Variants in MYH7 observed in about 807,000 individuals in gnomAD.
The protein encoded by MYH7 is myosin-7.
A neutral mutation model predicts 225.4 loss-of-function variants in MYH7; 129 were observed. That is an observed-to-expected ratio of 0.57 (90% CI 0.50 to 0.66). MYH7 has a LOEUF of 0.66. MYH7 is among the 30% of genes least tolerant of loss of function. MYH7 has a pLI of 0.00. For missense variants in MYH7, 1,649 were observed against 2,517.0 expected, an observed-to-expected ratio of 0.66 and a Z score of 7.38; for synonymous variants, 971 against 1,007.6, an observed-to-expected ratio of 0.96 and a Z score of 0.69.
In MYH7 at chr14:23,429,403, T is replaced by C. The variant is rs1892831196; in HGVS notation, c.1139-56A>G. 6 of 1,518,440 alleles carry C rather than the reference T, an allele frequency of 4.0e-6. No homozygotes were observed. In the Admixed American group the frequency reaches 8.4e-5, roughly 21 times the overall value. 94.1% of individuals were successfully genotyped at this position (1,518,440 alleles called of 1,614,324 possible). A position where few individuals can be genotyped will look rare whatever the true frequency, so the allele number is the denominator to read the frequency against. On this transcript the variant is annotated intron_variant, in intron 12 of 39. Coordinates refer to ENST00000355349, the MANE Select transcript of MYH7 (RefSeq NM_000257.4). ...TAAAGAGATGACTGCTGGCCAGGTGTGGTGGTTCATGCCTGTAATCCCAGC... is the reference window on the plus strand; with the variant it reads ...TAAAGAGATGACTGCTGGCCAGGTGCGGTGGTTCATGCCTGTAATCCCAGC...
intron 30 of MYH7, 182 bp from the exon 31 acceptor site, chr14:23,417,868 C>G: frequency 1.0e-6 from 1 of 970,880 alleles, no homozygotes; most frequent in East Asian, 2.4e-5. Context: ...GCGTGGAGAC[C>G]CAGGCACCCT....
rs779668402 is a variant in MYH7, at chr14:23,425,698, G to T, written c.2283C>A (p.Thr761=). The change falls in exon 20 of 40, where the codon ACC becomes ACA. Residue 761 remains threonine (T), a synonymous_variant. Coordinates refer to ENST00000355349, the MANE Select transcript of MYH7 (RefSeq NM_000257.4). The surrounding 1 kb of genome is among the most constrained non-coding windows in gnomAD (Gnocchi z 4.6). ...TTAATTAGTCTCCTTTCCTCACCTT[G>T]GTGTGGCCAAACTTGTACTGGTTGT... is the stretch of plus-strand genomic sequence containing the variant. ...IDHNQYKFGH[T]KVFFKAGLLG... 2 of 1,613,992 alleles carry T rather than the reference G, an allele frequency of 1.2e-6. No individual in the cohort carries two copies. The highest frequency in any genetic ancestry group is 1.7e-6 in the Non-Finnish European group (2 of 1,179,862).
In MYH7 at chr14:23,415,322, G is replaced by C. The variant is rs1373877711; in HGVS notation, c.5284-52C>G. 1.9e-6 allele frequency: 3 copies of C among 1,614,114 alleles called. No homozygotes were observed. In the African/African-American group the frequency reaches 4.0e-5, roughly 22 times the overall value. ...GGTCTGGTCAAGTCCTCACACACTT[G>C]CTGCCCAGCCCACGGAGAGACACTG... is the stretch of plus-strand genomic sequence containing the variant. On this transcript the variant is annotated intron_variant, in intron 36 of 39. Transcript: ENST00000355349. The surrounding 1 kb of genome is among the most constrained non-coding windows in gnomAD (Gnocchi z 6.3).
chr14:23,425,051 T>C lies in MYH7; in HGVS notation c.2424-27A>G, dbSNP rs1439344617. 9.3e-6 allele frequency: 15 copies of C among 1,613,982 alleles called. No individual in the cohort carries two copies. Among genetic ancestry groups the C allele is most frequent in the Admixed American group, 1.7e-5 (1 of 60,002 alleles). On this transcript the variant is annotated intron_variant, in intron 21 of 39. Coordinates refer to ENST00000355349, the MANE Select transcript of MYH7 (RefSeq NM_000257.4). The surrounding 1 kb of genome is among the most constrained non-coding windows in gnomAD (Gnocchi z 4.6). ...TGCAGGGGCCCATTGAAAGGAGTGCTGAGCCTCCTGCCTCCTTCCTACCTG... is the reference window on the plus strand; with the variant it reads ...TGCAGGGGCCCATTGAAAGGAGTGCCGAGCCTCCTGCCTCCTTCCTACCTG...
rs1892146523 is a variant in MYH7 at position 23,415,347 on chromosome 14, G to A, written c.5283+34C>T. On this transcript the variant is annotated intron_variant, in intron 36 of 39. Coordinates refer to ENST00000355349, the MANE Select transcript of MYH7 (RefSeq NM_000257.4). This position sits in a 1 kb window ranked among gnomAD's most constrained non-coding sequence, Gnocchi z 6.3. ...GCTGCCCAGCCCACGGAGAGACACT[G>A]GTCTGGATCGGGTCGGTGGAGTGGG... 1 of 1,614,232 alleles carries A rather than the reference G, an allele frequency of 6.2e-7. No individual in the cohort carries two copies. The highest frequency in any genetic ancestry group is 1.3e-5 in the African/African-American group (1 of 75,060).
intron 25 of MYH7, chr14:23,421,912 G>T: frequency 1.9e-6 from 1 of 514,634 alleles, no homozygotes; most frequent in Non-Finnish European, 2.5e-6. Context: ...AAGGGGGAAG[G>T]CTGTTATTTT....
chr14:23,419,133 G>T, intron 29 of MYH7, 44 bp downstream of exon 29: 1 of 1,522,618 alleles, frequency 6.6e-7, no homozygotes, highest in Non-Finnish European at 9.1e-7. Context: ...AGGCTAGTCA[G>T]TGTGCTCCTT....
Position 23,425,773 on chromosome 14 carries a change from A to G in MYH7, c.2208T>C (p.Ile736=), listed in dbSNP as rs772879885. ...GCTTCTCTGCCCCCTTCCTGCTATC[A>G]ATGAACTGTCCCTCAGGGATGGCCG... The part of the protein sequence containing the change: ...NPAAIPEGQF[I]DSRKGAEKLL... The change falls in exon 20 of 40, where the codon ATT becomes ATC. Residue 736 remains isoleucine (I), a synonymous_variant. Coordinates refer to ENST00000355349, the MANE Select transcript of MYH7 (RefSeq NM_000257.4). The surrounding 1 kb of genome is among the most constrained non-coding windows in gnomAD (Gnocchi z 4.6). 12 of 1,613,860 alleles carry G rather than the reference A, an allele frequency of 7.4e-6. No homozygotes were observed. Among genetic ancestry groups the G allele is most frequent in the Non-Finnish European group, 9.3e-6 (11 of 1,179,866 alleles).
At position 23,416,923 on chromosome 14, in the gene MYH7, C is replaced by T. The variant is rs730880803; in HGVS notation, c.4589G>A (p.Arg1530Gln). 13 of 1,614,260 alleles carry T rather than the reference C, an allele frequency of 8.1e-6. No individual in the cohort carries two copies. Among genetic ancestry groups the T allele is most frequent in the East Asian group, 4.5e-5 (2 of 44,886 alleles). ...CATCTTCTCGGCCTCCAGCTGCTTT[C>T]GGACCTTCTCCAGCTCATGGATAGT... ...GKTIHELEKV[R>Q]KQLEAEKMEL... is the part of the protein sequence containing the mutation. The change falls in exon 33 of 40, where the codon CGA becomes CAA. Residue 1530 changes from arginine (R) to glutamine (Q), a missense_variant. Arg to Gln is a conservative substitution (Grantham distance 43, BLOSUM62 1). Coordinates refer to ENST00000355349, the MANE Select transcript of MYH7 (RefSeq NM_000257.4).
rs887572790 is a variant in MYH7, at chr14:23,425,500, C to G, written c.2287-82G>C. 6.8e-6 allele frequency: 11 copies of G among 1,606,908 alleles called. No homozygotes were observed. The highest frequency in any genetic ancestry group is 1.1e-5 in the South Asian group (1 of 90,646). ...GTGGGGATTACCTTAGGAAGGGTAA[C>G]AGCCTAGAAAAGGATTGCAGGGAGG... On this transcript the variant is annotated intron_variant, in intron 20 of 39. Transcript: ENST00000355349. This position sits in a 1 kb window ranked among gnomAD's most constrained non-coding sequence, Gnocchi z 4.6.
intron 22 of MYH7, 120 bp downstream of exon 22, chr14:23,424,649 G>T (rs749998463): frequency 1.1e-4 from 162 of 1,539,186 alleles, no homozygotes; most frequent in Non-Finnish European, 1.3e-4. Flanking sequence ...TAGAAGTGTT[G>T]ATCCCAGAGT....
rs370893576 is a variant in MYH7 at position 23,420,937 on chromosome 14, G to A, written c.3336+21C>T. The stretch of plus-strand genomic sequence containing the variant: ...AACCAGCCCAGGGACTCAGCATCCC[G>A]CGTGGGTGTCCAGACCTCACCTGAA... On this transcript the variant is annotated intron_variant, in intron 26 of 39. Transcript: ENST00000355349. 1.6e-5 allele frequency: 25 copies of A among 1,601,830 alleles called. No individual in the cohort carries two copies. The African/African-American group carries it at 1.7e-4, about 11-fold the overall frequency.
At chr14:23,427,093 G>C in intron 17 of MYH7, 147 bp downstream of exon 17, 1 of 859,292 alleles carries the variant, frequency 1.2e-6, no homozygotes, top group South Asian at 1.4e-5. Context: ...GAGATGACGG[G>C]AAGAGAAGAC....
chr14:23,427,146 G>A (rs1892723664), intron 17 of MYH7, 94 bp downstream of exon 17: 1 of 1,266,170 alleles, frequency 7.9e-7, no homozygotes, highest in Non-Finnish European at 1.2e-6. Flanking sequence ...ACAGGGAACG[G>A]GAGGAGTAGG....
rs1456934174 is a variant in MYH7, at chr14:23,421,878, G to T, written c.3245+302C>A. ...GAGCCTTCCTCCATGTCAAGGAACT[G>T]GTCTCCAAAGAGAGATGTGTATGAA... On this transcript the variant is annotated intron_variant, in intron 25 of 39. Coordinates refer to ENST00000355349, the MANE Select transcript of MYH7 (RefSeq NM_000257.4). The T allele has an allele frequency of 4.3e-6, 3 of 700,098 alleles. No individual in the cohort carries two copies. The East Asian group carries it at 4.0e-4, about 92-fold the overall frequency. 43.4% of individuals were successfully genotyped at this position (700,098 alleles called of 1,614,324 possible). A position where few individuals can be genotyped will look rare whatever the true frequency, so the allele number is the denominator to read the frequency against.
At chr14:23,426,982 T>A in intron 17 of MYH7, 118 bp from the exon 18 acceptor site, 1 of 1,016,270 alleles carries the variant, frequency 9.8e-7, no homozygotes, top group Non-Finnish European at 1.5e-6. Flanking sequence ...GTCACAGAGA[T>A]GAAGGGGCCC....
chr14:23,427,220 T>C lies in MYH7; in HGVS notation c.1956+20A>G. ...TGGGCAGATGGGGAGCCAAGTTGGC[T>C]GGGGCTGTGTCCCACTCACCCTGTG... On this transcript the variant is annotated intron_variant, in intron 17 of 39. Coordinates refer to ENST00000355349, the MANE Select transcript of MYH7 (RefSeq NM_000257.4). The C allele has an allele frequency of 1.9e-6, 3 of 1,612,896 alleles. No individual in the cohort carries two copies. Among genetic ancestry groups the C allele is most frequent in the Non-Finnish European group, 2.5e-6 (3 of 1,179,926 alleles).
intron 30 of MYH7, 89 bp downstream of exon 30, chr14:23,418,121 C>A: frequency 1.3e-6 from 2 of 1,577,884 alleles, no homozygotes; most frequent in Non-Finnish European, 1.7e-6. Flanking sequence ...AGCTAAGCAT[C>A]GCCTGTGTGG....
At position 23,425,981 on chromosome 14, in the gene MYH7, G is replaced by A. The variant is rs146675572; in HGVS notation, c.2145C>T (p.Tyr715=). Residue 715 remains tyrosine (Y), a synonymous_variant, in exon 19 of 40, where the codon TAC becomes TAT. Transcript: ENST00000355349. This position sits in a 1 kb window ranked among gnomAD's most constrained non-coding sequence, Gnocchi z 4.6. ...ATACCCACCTCTGCCGGAAGTCCCC[G>A]TAGAGGATGCGGTTGGGGAAGCCTT... ...CRKGFPNRIL[Y]GDFRQRYRIL... The A allele has an allele frequency of 4.5e-5, 72 of 1,613,932 alleles. No homozygotes were observed. Among genetic ancestry groups the A allele is most frequent in the East Asian group, 1.1e-4 (5 of 44,900 alleles).
Sources: gnomAD v4.1 joint callset for allele counts on GRCh38, gnomAD v4.1.1 for gene constraint, Gnocchi (gnomAD v3.1) non-coding constraint, MANE v1.5 for transcripts, NCBI Gene and HGNC (gene_info 2026-07-23, HGNC 2026-07-21) for gene names.